The following ZDHHC15 variants were observed in gnomAD, a reference collection of about 807,000 sequenced individuals.
ZDHHC15 encodes palmitoyltransferase ZDHHC15.
A neutral mutation model predicts 31.7 loss-of-function variants in ZDHHC15; 19 were observed. The ratio of observed to expected loss-of-function variants is 0.60; its 90% confidence interval spans 0.42 to 0.88. The LOEUF (loss-of-function observed/expected upper bound fraction) is 0.88. ZDHHC15 is among the 40% of genes least tolerant of loss of function. ZDHHC15 has a pLI of 0.00. For synonymous variants in ZDHHC15, 103 were observed against 90.0 expected, an observed-to-expected ratio of 1.14 and a Z score of -0.82; for missense variants, 209 against 251.2, an observed-to-expected ratio of 0.83 and a Z score of 1.14.
At chrX:75,389,985 C>T (rs1050694246) in intron 10 of ZDHHC15, among the ~76,000 whole-genome samples, 1 of 109,872 alleles carries the variant, frequency 9.1e-6, no homozygotes, top group African/African-American at 3.3e-5. Flanking sequence ...AGCTCACTGC[C>T]CTGAAGGGTG....
chrX:75,453,025 A>T (rs2084150590), intron 3 of ZDHHC15, among the ~76,000 whole-genome samples: 1 of 111,954 alleles, frequency 8.9e-6, no homozygotes, highest in Non-Finnish European at 1.9e-5. Flanking sequence ...TCAAGAAATA[A>T]CTAAGATCAG....
chrX:75,432,042 G>A (rs1250926513), intron 4 of ZDHHC15, among the ~76,000 whole-genome samples: 2 of 111,872 alleles, frequency 1.8e-5, no homozygotes, highest in Admixed American at 9.5e-5. Flanking sequence ...ATAAAGATCT[G>A]GGTCATATCA....
Position 75,431,514 on chromosome X carries a change from C to A in ZDHHC15, c.386G>T (p.Arg129Leu), listed in dbSNP as rs761758054. The change falls in exon 5 of 12, where the codon CGA (arginine) becomes CTA (leucine). Residue 129 changes from arginine (R) to leucine (L), a missense_variant. Coordinates refer to ENST00000373367, the MANE Select transcript of ZDHHC15 (RefSeq NM_144969.3). ...VYTRTGSGAVRFCDRCHLIKP... is the reference protein window; with the variant it reads ...VYTRTGSGAVLFCDRCHLIKP... ...GATCAGATGACACCGGTCACAGAAT[C>A]GTACAGCTATAAAAAAAAAAATAAG... The A allele has an allele frequency of 8.3e-7, 1 of 1,204,980 alleles. No homozygotes were observed. Among genetic ancestry groups the A allele is most frequent in the Non-Finnish European group, 1.1e-6 (1 of 892,814 alleles).
chrX:75,444,040 C>T (rs1335094638), intron 4 of ZDHHC15, among the ~76,000 whole-genome samples: 15 of 110,362 alleles, frequency 1.4e-4, no homozygotes, highest in Non-Finnish European at 2.5e-4. Flanking sequence ...CTAGTTCAAC[C>T]ATTGTGAAAG....
rs778851774 is a variant in ZDHHC15, at chrX:75,454,347, G to T, written c.259-3425C>A. 1.3e-4 allele frequency among the ~76,000 whole-genome samples: 14 copies of T among 111,831 alleles called. No homozygotes were observed. In the Admixed American group the frequency reaches 1.3e-3, roughly 11 times the overall value. The stretch of plus-strand genomic sequence containing the variant: ...CCAGTCTATCAATGATGGACATTAG[G>T]GTTGGTTCCAAGTCTTTGCTATTGT... On this transcript the variant is annotated intron_variant, in intron 3 of 11. Transcript: ENST00000373367.
chrX:75,413,641 G>T (rs1344524909), intron 10 of ZDHHC15, among the ~76,000 whole-genome samples: 1 of 106,875 alleles, frequency 9.4e-6, no homozygotes, highest in Non-Finnish European at 1.9e-5. Context: ...CTCCAGCCTG[G>T]ATGACAGAGC....
At chrX:75,479,419 C>T (rs948801658) in intron 2 of ZDHHC15, among the ~76,000 whole-genome samples, 12 of 111,686 alleles carry the variant, frequency 1.1e-4, no homozygotes, top group Non-Finnish European at 2.3e-4. Flanking sequence ...TAGGGATAGT[C>T]GATTAACTAC....
chrX:75,386,324 C>G (rs1250762656), intron 10 of ZDHHC15, among the ~76,000 whole-genome samples: 3 of 111,654 alleles, frequency 2.7e-5, no homozygotes, highest in East Asian at 2.8e-4. Flanking sequence ...TTAGCACACT[C>G]AAGAAAATTT....
At chrX:75,509,915 T>C (rs2085234379) in intron 1 of ZDHHC15, among the ~76,000 whole-genome samples, 1 of 112,229 alleles carries the variant, frequency 8.9e-6, no homozygotes, top group Admixed American at 9.5e-5. Context: ...TTACATATGA[T>C]GGTATTAAAA....
intron 4 of ZDHHC15, among the ~76,000 whole-genome samples, chrX:75,433,574 C>G (rs766491218): frequency 9.1e-6 from 1 of 110,140 alleles, no homozygotes; most frequent in African/African-American, 3.3e-5. Context: ...ATAATGGTCT[C>G]CAACTCCATC....
intron 10 of ZDHHC15, among the ~76,000 whole-genome samples, chrX:75,379,804 C>A (rs1413215268): frequency 8.9e-6 from 1 of 111,995 alleles, no homozygotes; most frequent in African/African-American, 3.2e-5. Context: ...TTGACAGTAG[C>A]CATCCCCTAC....
rs1157568767 is a variant in ZDHHC15, at chrX:75,369,490, A to C, written c.*3488T>G. The C allele has an allele frequency of 8.9e-6, 1 of 111,829 alleles. No individual in the cohort carries two copies. The highest frequency in any genetic ancestry group is 1.9e-5 in the Non-Finnish European group (1 of 53,219). 9.2% of individuals were successfully genotyped at this position (111,829 alleles called of 1,213,427 possible). On this transcript the variant is annotated 3_prime_UTR_variant, in exon 12 of 12. Transcript: ENST00000373367. Reference sequence around the variant, plus strand: ...ATAATGTATAATATTCAGTATTCTTAAAACTTACTTGCTAGGATTGTGCTT... The same window carrying C: ...ATAATGTATAATATTCAGTATTCTTCAAACTTACTTGCTAGGATTGTGCTT...
intron 3 of ZDHHC15, among the ~76,000 whole-genome samples, chrX:75,456,600 G>A (rs1038315412): frequency 2.7e-5 from 3 of 111,461 alleles, no homozygotes; most frequent in Admixed American, 1.9e-4. Flanking sequence ...TACTGTTGGT[G>A]GGAGTGTAAA....
chrX:75,444,599 G>C (rs766291067), intron 4 of ZDHHC15, among the ~76,000 whole-genome samples: 4 of 89,184 alleles, frequency 4.5e-5, no homozygotes, highest in Non-Finnish European at 4.2e-5. Context: ...CACATGTACC[G>C]TACAACTTAA....
chrX:75,459,873 TTTTG>T (rs1298896431), intron 3 of ZDHHC15, among the ~76,000 whole-genome samples: 6 of 112,196 alleles, frequency 5.3e-5, no homozygotes, highest in Middle Eastern at 4.2e-3. Context: ...ACTGCTGCTT[TTTTG>T]TTTGTTTGTT....
intron 7 of ZDHHC15, among the ~76,000 whole-genome samples, chrX:75,428,101 C>G (rs1418934555): frequency 9.0e-6 from 1 of 110,821 alleles, no homozygotes; most frequent in Admixed American, 9.7e-5. Context: ...GTGAGATATT[C>G]ATGTTATATA....
At chrX:75,473,499 C>A (rs1017559511) in intron 3 of ZDHHC15, among the ~76,000 whole-genome samples, 1 of 110,831 alleles carries the variant, frequency 9.0e-6, no homozygotes, top group Non-Finnish European at 1.9e-5. Flanking sequence ...GGAGACACAA[C>A]GATTCCATTA....
intron 7 of ZDHHC15, among the ~76,000 whole-genome samples, chrX:75,425,128 G>A (rs1213172410): frequency 1.8e-5 from 2 of 111,220 alleles, no homozygotes; most frequent in Non-Finnish European, 3.8e-5. Context: ...TTGAGATCTT[G>A]AAGTCATATG....
intron 2 of ZDHHC15, among the ~76,000 whole-genome samples, chrX:75,490,189 T>C (rs1035122085): frequency 2.3e-4 from 26 of 111,433 alleles, no homozygotes; most frequent in African/African-American, 8.2e-4. Flanking sequence ...CAGGAGAACT[T>C]CCCCAACCTA....
Sources: gnomAD v4.1 joint callset for allele counts (sites outside exome capture counted in the v4.1 genomes callset) on GRCh38, gnomAD v4.1.1 for gene constraint, MANE v1.5 for transcripts, NCBI Gene and HGNC (gene_info 2026-07-23, HGNC 2026-07-21) for gene names.